The following AKAP7 variants were observed in gnomAD, a reference collection of about 807,000 sequenced individuals.
AKAP7 encodes the protein A-kinase anchoring protein 7.
In AKAP7, 39 loss-of-function variants were observed where a neutral mutation model predicts 39.5. The observed-to-expected ratio is 0.99, with a 90% CI of 0.76 to 1.29. The LOEUF (loss-of-function observed/expected upper bound fraction) is 1.29, where lower values mean the gene tolerates loss of function less well. Ranked by LOEUF, AKAP7 falls within the 50% of genes most tolerant of loss-of-function variation. The probability of loss-of-function intolerance (pLI) is 0.00; values close to 1 mark genes in which losing one functional copy is unlikely to be tolerated. For missense variants in AKAP7, 414 were observed against 407.7 expected, an observed-to-expected ratio of 1.02 and a Z score of -0.13; for synonymous variants, 140 against 139.1, an observed-to-expected ratio of 1.01 and a Z score of -0.05.
In AKAP7 at chr6:131,135,834, G is replaced by A. The variant is rs1800487384; in HGVS notation, c.19+52G>A. Reference sequence around the variant, plus strand: ...GGGCGGGGGCGACAGGAGCCGCGGGGGCCTGGGCCTGCTCTGCGCTCGAAC... The same window carrying A: ...GGGCGGGGGCGACAGGAGCCGCGGGAGCCTGGGCCTGCTCTGCGCTCGAAC... On this transcript the variant is annotated intron_variant, in intron 1 of 7. Transcript: ENST00000431975. 7 of 1,226,104 alleles carry A rather than the reference G, an allele frequency of 5.7e-6. No individual in the cohort carries two copies. The Middle Eastern group carries it at 1.2e-3, about 218-fold the overall frequency. 76.0% of individuals were successfully genotyped at this position (1,226,104 alleles called of 1,614,324 possible). A position where few individuals can be genotyped will look rare whatever the true frequency, so the allele number is the denominator to read the frequency against.
chr6:131,228,433 A>T (rs897791605), intron 7 of AKAP7, among the ~76,000 whole-genome samples: 2 of 152,340 alleles, frequency 1.3e-5, no homozygotes, highest in East Asian at 3.9e-4. Context: ...TGCAGTAGGA[A>T]TATGTGCCTC....
At chr6:131,210,403 A>G (rs761832973) in intron 6 of AKAP7, among the ~76,000 whole-genome samples, 2 of 152,244 alleles carry the variant, frequency 1.3e-5, no homozygotes, top group Non-Finnish European at 2.9e-5. Flanking sequence ...TACTCATATC[A>G]TCTTAGGGAC....
intron 5 of AKAP7, chr6:131,185,161 G>T: frequency 5.6e-6 from 3 of 540,504 alleles, no homozygotes; most frequent in Admixed American, 2.5e-5. Flanking sequence ...TGAGAGATCA[G>T]CCCCTCCTTC....
intron 1 of AKAP7, among the ~76,000 whole-genome samples, chr6:131,140,135 T>C (rs946148443): frequency 2.6e-5 from 4 of 152,194 alleles, no homozygotes; most frequent in African/African-American, 4.8e-5. Flanking sequence ...TCTGGAGCAG[T>C]GGTTTTCAAT....
intron 1 of AKAP7, among the ~76,000 whole-genome samples, chr6:131,142,737 C>T (rs900513268): frequency 2.0e-5 from 3 of 152,232 alleles, no homozygotes; most frequent in African/African-American, 7.2e-5. Context: ...AAGAATGATA[C>T]AGCCACTGGC....
At chr6:131,143,746 T>A (rs935406945) in intron 1 of AKAP7, among the ~76,000 whole-genome samples, 8 of 81,872 alleles carry the variant, frequency 9.8e-5, no homozygotes, top group African/African-American at 3.9e-4. Context: ...TTCTTTTTTT[T>A]TTTTTATTTT....
In AKAP7 at chr6:131,193,567, T is replaced by C. The variant is rs536906862; in HGVS notation, c.590-5894T>C. ...TTTTGATATCAGGGTAATACTGGTC[T>C]TGTAGAATGAGTTTGGAAGTATTCC... On this transcript the variant is annotated intron_variant, in intron 5 of 7. Transcript: ENST00000431975. Among the ~76,000 whole-genome samples, 4 of 152,264 alleles carry C rather than the reference T, an allele frequency of 2.6e-5. No homozygotes were observed. In the South Asian group the frequency reaches 8.3e-4, roughly 32 times the overall value.
chr6:131,165,175 C>T lies in AKAP7; in HGVS notation c.386C>T (p.Thr129Ile). The part of the protein sequence containing the change: ...AMVSDGSFHI[T>I]LLVMQLLNED... ...GTCAGTGATGGTTCCTTTCATATTA[C>T]CCTGCTGGTGATGCAATTATTAAAT... The change falls in exon 4 of 8, where the codon ACC (threonine) becomes ATC (isoleucine). Residue 129 changes from threonine (T) to isoleucine (I), a missense_variant. Coordinates refer to ENST00000431975, the MANE Select transcript of AKAP7 (RefSeq NM_016377.4). 2 of 1,610,096 alleles carry T rather than the reference C, an allele frequency of 1.2e-6. No individual in the cohort carries two copies. The highest frequency in any genetic ancestry group is 1.7e-6 in the Non-Finnish European group (2 of 1,177,398).
chr6:131,233,965 G>A (rs1810830611), intron 7 of AKAP7, among the ~76,000 whole-genome samples: 1 of 152,130 alleles, frequency 6.6e-6, no homozygotes, highest in Admixed American at 6.5e-5. Context: ...ACCCTTTATT[G>A]TTATATAGTT....
chr6:131,170,938 C>T lies in AKAP7; in HGVS notation c.589+1665C>T, dbSNP rs1052038903. On this transcript the variant is annotated intron_variant, in intron 5 of 7. Coordinates refer to ENST00000431975, the MANE Select transcript of AKAP7 (RefSeq NM_016377.4). ...AGATTTCTGTTATGTACTTGAAATACGTTTTACATAACAGCATTTCAATTG... is the reference window on the plus strand; with the variant it reads ...AGATTTCTGTTATGTACTTGAAATATGTTTTACATAACAGCATTTCAATTG... Among the ~76,000 whole-genome samples the T allele has an allele frequency of 2.6e-5, 4 of 152,104 alleles. No homozygotes were observed. In the South Asian group the frequency reaches 6.2e-4, roughly 24 times the overall value.
At chr6:131,132,935 TG>T (rs1371946617), upstream of AKAP7, among the ~76,000 whole-genome samples, 1 of 152,134 alleles carries the variant, frequency 6.6e-6, no homozygotes, top group Admixed American at 6.5e-5. Flanking sequence ...AAGTATTTTG[TG>T]GGGGGTAGTA....
intron 5 of AKAP7, among the ~76,000 whole-genome samples, chr6:131,170,462 T>C (rs1308957627): frequency 6.6e-6 from 1 of 152,208 alleles, no homozygotes; most frequent in Admixed American, 6.5e-5. Context: ...TAATGCATCC[T>C]TTGGCCTTCC....
At chr6:131,142,029 A>G (rs909309244) in intron 1 of AKAP7, among the ~76,000 whole-genome samples, 15 of 151,568 alleles carry the variant, frequency 9.9e-5, no homozygotes, top group African/African-American at 3.4e-4. Flanking sequence ...ACAATCAGAT[A>G]TGGAAGCAAA....
At chr6:131,255,585 A>G (rs1345826023) in intron 7 of AKAP7, among the ~76,000 whole-genome samples, 1 of 152,214 alleles carries the variant, frequency 6.6e-6, no homozygotes, top group Non-Finnish European at 1.5e-5. Flanking sequence ...ACTGCCTGTT[A>G]AAAACATATG....
chr6:131,142,270 C>T (rs1007763204), intron 1 of AKAP7, among the ~76,000 whole-genome samples: 1 of 152,174 alleles, frequency 6.6e-6, no homozygotes, highest in Non-Finnish European at 1.5e-5. Context: ...CAGAAATCTC[C>T]AGGGCAGCTT....
intron 7 of AKAP7, among the ~76,000 whole-genome samples, chr6:131,273,079 TATATA>T (rs1457930079): frequency 3.3e-5 from 5 of 152,198 alleles, no homozygotes; most frequent in Admixed American, 3.3e-4. Context: ...CCCTCATTAT[TATATA>T]ATATCTCTTC....
chr6:131,150,778 G>T lies in AKAP7; in HGVS notation c.151+5362G>T, dbSNP rs142070205. On this transcript the variant is annotated intron_variant, in intron 2 of 7. Coordinates refer to ENST00000431975, the MANE Select transcript of AKAP7 (RefSeq NM_016377.4). ...TCCAGGCTCAAGTTCATTCATTATC[G>T]ATGACATTGACATTGGCATAATAAT... is the stretch of plus-strand genomic sequence containing the variant. Among the ~76,000 whole-genome samples, 125 of 152,172 alleles carry T rather than the reference G, an allele frequency of 8.2e-4. 2 individuals carry two copies. The highest frequency in any genetic ancestry group is 3.0e-3 in the African/African-American group (124 of 41,500).
intron 7 of AKAP7, among the ~76,000 whole-genome samples, chr6:131,280,034 T>C (rs1815078799): frequency 6.6e-6 from 1 of 152,204 alleles, no homozygotes; most frequent in South Asian, 2.1e-4. Flanking sequence ...AAGTCTTAAC[T>C]TGCCACCCAA....
chr6:131,185,094 G>A, intron 5 of AKAP7: 2 of 671,914 alleles, frequency 3.0e-6, no homozygotes, highest in South Asian at 1.4e-5. Context: ...GGGATCTGGG[G>A]TACCTCGCTT....
Sources: allele counts gnomAD v4.1 joint callset (sites outside exome capture counted in the v4.1 genomes callset), GRCh38; gene constraint gnomAD v4.1.1; transcripts MANE v1.5; gene names NCBI Gene and HGNC (gene_info 2026-07-23, HGNC 2026-07-21).